GALNTL6: variants seen among roughly 807,000 people sequenced by gnomAD.
GALNTL6 encodes the protein polypeptide N-acetylgalactosaminyltransferase-like 6.
GALNTL6 carries 46 observed loss-of-function variants against 73.7 expected under a neutral mutation model. The observed-to-expected ratio is 0.62, with a 90% CI of 0.49 to 0.80. The LOEUF (loss-of-function observed/expected upper bound fraction) is 0.80. GALNTL6 is among the 30% of genes least tolerant of loss of function. GALNTL6 has a pLI of 0.00. For missense variants in GALNTL6, 604 were observed against 755.0 expected (o/e 0.80, Z 2.34); for synonymous variants, 259 against 263.7 (o/e 0.98, Z 0.17).
chr4:172,135,819 T>A (rs1358897343), intron 2 of GALNTL6, among the ~76,000 whole-genome samples: 1 of 152,122 alleles, frequency 6.6e-6, no homozygotes, highest in Non-Finnish European at 1.5e-5. Flanking sequence ...TGCAAACTTC[T>A]TGATCAAGCA....
At chr4:173,029,533 A>G (rs1753372470) in intron 12 of GALNTL6, among the ~76,000 whole-genome samples, 1 of 152,250 alleles carries the variant, frequency 6.6e-6, no homozygotes, top group South Asian at 2.1e-4. Context: ...AGAAAGTAGA[A>G]TAAGTTTCTA....
chr4:172,117,083 C>G (rs1269227405), intron 2 of GALNTL6, among the ~76,000 whole-genome samples: 10 of 152,008 alleles, frequency 6.6e-5, no homozygotes, highest in African/African-American at 2.4e-4. Context: ...TTATTACAGA[C>G]AGAATAATAA....
At chr4:171,948,476 G>A (rs1738770187) in intron 2 of GALNTL6, among the ~76,000 whole-genome samples, 1 of 152,082 alleles carries the variant, frequency 6.6e-6, no homozygotes, top group Non-Finnish European at 1.5e-5. Flanking sequence ...TGTAATTTAG[G>A]CTTTTTTGAA....
chr4:172,612,579 GA>G lies in GALNTL6; in HGVS notation c.554-196779del, dbSNP rs542513692. ...CCTTCCCTGGAAAGGAACTTCCAGG[GA>G]AATGGGTGTTCTCATTTTTTCAGCC... is the stretch of plus-strand genomic sequence containing the variant. On this transcript the variant is annotated intron_variant, in intron 5 of 12. Coordinates refer to ENST00000506823, the MANE Select transcript of GALNTL6 (RefSeq NM_001034845.3). 6.2e-4 allele frequency among the ~76,000 whole-genome samples: 94 copies of G among 152,186 alleles called. 1 individual carries two copies. The South Asian group carries it at 0.016, about 26-fold the overall frequency.
intron 3 of GALNTL6, among the ~76,000 whole-genome samples, chr4:172,299,345 G>C (rs1000002832): frequency 2.6e-5 from 4 of 152,050 alleles, no homozygotes; most frequent in African/African-American, 9.7e-5. Flanking sequence ...CTTTTTGAAG[G>C]GTTTTTTGTG....
chr4:172,793,639 G>A (rs924658998), intron 5 of GALNTL6, among the ~76,000 whole-genome samples: 3 of 152,144 alleles, frequency 2.0e-5, no homozygotes, highest in Non-Finnish European at 4.4e-5. Flanking sequence ...AATTACAATC[G>A]AAAATTTGTT....
intron 2 of GALNTL6, among the ~76,000 whole-genome samples, chr4:171,873,571 T>A (rs1341448972): frequency 6.6e-6 from 1 of 152,202 alleles, no homozygotes; most frequent in Non-Finnish European, 1.5e-5. Flanking sequence ...TTGTGTTGCC[T>A]CCTTAAAGGC....
At chr4:172,744,441 A>T (rs1561306) in intron 5 of GALNTL6, among the ~76,000 whole-genome samples, 54,546 of 151,962 alleles carry the variant, frequency 0.36, 10,843 homozygotes, top group African/African-American at 0.52. Flanking sequence ...GAACCCCCTT[A>T]AATCAAGGAG....
intron 3 of GALNTL6, among the ~76,000 whole-genome samples, chr4:172,262,847 GA>G (rs1201424595): frequency 2.0e-5 from 3 of 151,488 alleles, no homozygotes; most frequent in Non-Finnish European, 4.4e-5. Context: ...TTGTTTGTCT[GA>G]AAAAAGTTTT....
chr4:172,204,528 G>C (rs533504857), intron 2 of GALNTL6, among the ~76,000 whole-genome samples: 1 of 152,054 alleles, frequency 6.6e-6, no homozygotes, highest in African/African-American at 2.4e-5. Context: ...TTAATTTGGA[G>C]CTAAGATAGG....
Position 172,669,520 on chromosome 4 carries a change from T to A in GALNTL6, c.554-139841T>A, listed in dbSNP as rs370600099. On this transcript the variant is annotated intron_variant, in intron 5 of 12. Coordinates refer to ENST00000506823, the MANE Select transcript of GALNTL6 (RefSeq NM_001034845.3). ...AAAAATTTGCCAGTTGAAACTTTTG[T>A]TTGATTTTGCCACTTTGTCAGTCAT... 2.6e-5 allele frequency among the ~76,000 whole-genome samples: 4 copies of A among 152,314 alleles called. No homozygotes were observed. The East Asian group carries it at 5.8e-4, about 22-fold the overall frequency.
intron 5 of GALNTL6, among the ~76,000 whole-genome samples, chr4:172,777,983 C>T (rs1739162086): frequency 6.6e-6 from 1 of 152,182 alleles, no homozygotes; most frequent in East Asian, 1.9e-4. Flanking sequence ...TATTGCTTTC[C>T]ATTGTCTTGT....
At chr4:171,874,792 G>A (rs898775931) in intron 2 of GALNTL6, among the ~76,000 whole-genome samples, 1 of 152,174 alleles carries the variant, frequency 6.6e-6, no homozygotes, top group African/African-American at 2.4e-5. Flanking sequence ...GAAGCCTTGT[G>A]CTAGATCCTC....
At position 172,998,295 on chromosome 4, in the gene GALNTL6, A is replaced by G. The variant is rs138076460; in HGVS notation, c.1372-10883A>G. ...ATGAGGCAAAGCCTTAAATAGTGAA[A>G]AATCCTATAAGAATCACAAAAGCAT... is the stretch of plus-strand genomic sequence containing the variant. On this transcript the variant is annotated intron_variant, in intron 10 of 12. Coordinates refer to ENST00000506823, the MANE Select transcript of GALNTL6 (RefSeq NM_001034845.3). Among the ~76,000 whole-genome samples the G allele has an allele frequency of 4.4e-4, 67 of 152,318 alleles. No homozygotes were observed. In the East Asian group the frequency reaches 7.9e-3, roughly 18 times the overall value.
At chr4:172,109,185 G>T (rs972475918) in intron 2 of GALNTL6, among the ~76,000 whole-genome samples, 3 of 152,152 alleles carry the variant, frequency 2.0e-5, no homozygotes, top group African/African-American at 7.2e-5. Context: ...CAGAGATTTT[G>T]TCTCTTTTAG....
chr4:172,940,180 C>T (rs999984404), intron 9 of GALNTL6, among the ~76,000 whole-genome samples: 4 of 149,210 alleles, frequency 2.7e-5, no homozygotes. Flanking sequence ...CACAAAACCT[C>T]GCAAAACTTT....
chr4:172,082,932 G>T (rs1446867358), intron 2 of GALNTL6, among the ~76,000 whole-genome samples: 4 of 152,052 alleles, frequency 2.6e-5, no homozygotes, highest in Non-Finnish European at 5.9e-5. Context: ...CCTCTTCATT[G>T]TTTGTACTTC....
intron 5 of GALNTL6, among the ~76,000 whole-genome samples, chr4:172,618,811 C>T (rs1738842564): frequency 6.6e-6 from 1 of 152,066 alleles, no homozygotes; most frequent in Non-Finnish European, 1.5e-5. Flanking sequence ...GCAATCTCTG[C>T]CTCCCGGGTT....
At chr4:172,757,256 G>C (rs888748433) in intron 5 of GALNTL6, among the ~76,000 whole-genome samples, 2 of 152,132 alleles carry the variant, frequency 1.3e-5, no homozygotes, top group Admixed American at 1.3e-4. Context: ...TTGAGGTTTT[G>C]CAAGCATTTT....
Sources: allele counts gnomAD v4.1 joint callset (sites outside exome capture counted in the v4.1 genomes callset), GRCh38; gene constraint gnomAD v4.1.1; transcripts MANE v1.5; gene names NCBI Gene and HGNC (gene_info 2026-07-23, HGNC 2026-07-21).